The following HPS3 variants were observed in gnomAD, a reference collection of about 807,000 sequenced individuals.
HPS3 encodes BLOC-2 complex member HPS3.
Under a neutral mutation model 110.9 loss-of-function variants are expected in HPS3, and 79 were observed. The observed-to-expected ratio is 0.71, with a 90% CI of 0.59 to 0.86. HPS3 has a LOEUF of 0.86. Among genes scored for constraint, HPS3 ranks in the 40% least tolerant of loss-of-function variants. The pLI is 0.00. For missense variants in HPS3, 1,197 were observed against 1,206.2 expected (o/e 0.99, Z 0.11); for synonymous variants, 428 against 451.0 (o/e 0.95, Z 0.65).
chr3:149,152,942 A>G (rs141924868), intron 6 of HPS3, among the ~76,000 whole-genome samples: 1 of 152,352 alleles, frequency 6.6e-6, no homozygotes, highest in African/African-American at 2.4e-5. Context: ...CATTCCAGGC[A>G]CTATTCGTAC....
chr3:149,141,627 G>A (rs1161621205), intron 4 of HPS3, among the ~76,000 whole-genome samples: 2 of 146,918 alleles, frequency 1.4e-5, no homozygotes, highest in Non-Finnish European at 1.5e-5. Context: ...TCTACTTCCT[G>A]GGTTCAAGTG....
chr3:149,140,946 C>G, intron 2 of HPS3, 71 bp from the exon 3 acceptor site: 1 of 1,343,728 alleles, frequency 7.4e-7, no homozygotes, highest in South Asian at 1.2e-5. Context: ...TACTATATGT[C>G]TAATTGGTGA....
chr3:149,156,076 C>T (rs1248030913), intron 8 of HPS3, among the ~76,000 whole-genome samples: 2 of 152,114 alleles, frequency 1.3e-5, no homozygotes, highest in African/African-American at 4.8e-5. Context: ...TATATATTCC[C>T]ATTCCCCACA....
chr3:149,162,513 A>G (rs753392809), intron 12 of HPS3, 177 bp from the exon 13 acceptor site: 8 of 909,296 alleles, frequency 8.8e-6, no homozygotes, highest in Admixed American at 6.1e-5. Flanking sequence ...CTTTATTTGT[A>G]CATCCTAGAA....
At chr3:149,164,303 G>A (rs1164028478) in intron 14 of HPS3, among the ~76,000 whole-genome samples, 1 of 152,156 alleles carries the variant, frequency 6.6e-6, no homozygotes, top group Non-Finnish European at 1.5e-5. Context: ...TTTTGTTAGT[G>A]TTGACTTACA....
At chr3:149,141,943 C>G (rs896795912) in intron 4 of HPS3, among the ~76,000 whole-genome samples, 3 of 146,066 alleles carry the variant, frequency 2.1e-5, no homozygotes, top group Non-Finnish European at 3.0e-5. Flanking sequence ...CTCCACCTCC[C>G]GGGTTCAAGT....
chr3:149,143,870 A>C (rs1047062331), intron 4 of HPS3, among the ~76,000 whole-genome samples: 2 of 152,188 alleles, frequency 1.3e-5, no homozygotes, highest in South Asian at 2.1e-4. Context: ...GGTACTTGTT[A>C]AACAACTTTG....
At chr3:149,133,765 A>G (rs1420504119) in intron 1 of HPS3, among the ~76,000 whole-genome samples, 1 of 152,140 alleles carries the variant, frequency 6.6e-6, no homozygotes, top group Non-Finnish European at 1.5e-5. Flanking sequence ...GCAATAAAAT[A>G]TTTTTAGTTA....
chr3:149,146,762 C>G (rs1457275751), intron 5 of HPS3, among the ~76,000 whole-genome samples: 1 of 152,134 alleles, frequency 6.6e-6, no homozygotes, highest in Non-Finnish European at 1.5e-5. Context: ...GCTACTCTTT[C>G]CAGTGTCCAA....
rs1358535666 is a variant in HPS3, at chr3:149,163,964, C to G, written c.2589+15C>G. ...CAAAATTACAGGTAAGTAAAAATAC[C>G]TCCTTTTCTTATGAAATTGCATATT... On this transcript the variant is annotated intron_variant, in intron 14 of 16. Transcript: ENST00000296051. The G allele has an allele frequency of 5.7e-6, 7 of 1,220,842 alleles. No homozygotes were observed. Among genetic ancestry groups the G allele is most frequent in the Non-Finnish European group, 7.3e-6 (6 of 823,036 alleles). 75.6% of individuals were successfully genotyped at this position (1,220,842 alleles called of 1,614,324 possible).
chr3:149,144,283 C>T (rs1355684775), intron 4 of HPS3, among the ~76,000 whole-genome samples: 9 of 151,440 alleles, frequency 5.9e-5, no homozygotes, highest in Non-Finnish European at 1.2e-4. Flanking sequence ...CCTGGGAGGC[C>T]GAGGCAGGAG....
At chr3:149,147,519 A>G (rs1394802533) in intron 5 of HPS3, among the ~76,000 whole-genome samples, 2 of 152,190 alleles carry the variant, frequency 1.3e-5, no homozygotes, top group South Asian at 2.1e-4. Flanking sequence ...GGAATATACT[A>G]ATTTCTGTCC....
chr3:149,139,561 C>G (rs1482419571), intron 1 of HPS3, among the ~76,000 whole-genome samples: 1 of 152,146 alleles, frequency 6.6e-6, no homozygotes, highest in South Asian at 2.1e-4. Flanking sequence ...CCAACTTTAT[C>G]CTGTTTCTCA....
intron 11 of HPS3, among the ~76,000 whole-genome samples, chr3:149,160,785 C>T (rs1723751365): frequency 6.6e-6 from 1 of 152,146 alleles, no homozygotes; most frequent in South Asian, 2.1e-4. Context: ...AGGGACACTA[C>T]CAAAGGTGTT....
intron 8 of HPS3, 78 bp from the exon 9 acceptor site, chr3:149,157,272 T>C: frequency 8.1e-7 from 1 of 1,233,124 alleles, no homozygotes; most frequent in East Asian, 2.4e-5. Flanking sequence ...ACTAACAAAA[T>C]ATATAAATGT....
chr3:149,151,203 ATTT>A (rs374361094), intron 6 of HPS3, among the ~76,000 whole-genome samples: 3,903 of 147,066 alleles, frequency 0.027, 85 homozygotes, highest in Non-Finnish European at 0.043. Context: ...TATTATTATT[ATTT>A]TTTTTTCTGC....
At position 149,144,749 on chromosome 3, in the gene HPS3, C is replaced by T. The variant is rs200225977; in HGVS notation, c.971-605C>T. On this transcript the variant is annotated intron_variant, in intron 4 of 16. Coordinates refer to ENST00000296051, the MANE Select transcript of HPS3 (RefSeq NM_032383.5). ...TAGTATGGTAGCCATTAGTCACATG[C>T]CGCTATTAAGCACTTGAAATATGAC... Among the ~76,000 whole-genome samples the T allele has an allele frequency of 9.9e-5, 15 of 152,204 alleles. No individual in the cohort carries two copies. The East Asian group carries it at 1.7e-3, about 18-fold the overall frequency.
At chr3:149,131,989 CTG>C (rs777090892) in intron 1 of HPS3, among the ~76,000 whole-genome samples, 8 of 152,208 alleles carry the variant, frequency 5.3e-5, no homozygotes, top group Admixed American at 3.3e-4. Flanking sequence ...CTGTTCAACT[CTG>C]TGAATGCTGA....
intron 1 of HPS3, 99 bp from the exon 2 acceptor site, chr3:149,139,905 A>T (rs556345307): frequency 8.8e-7 from 1 of 1,140,290 alleles, no homozygotes; most frequent in South Asian, 1.4e-5. Context: ...CTTTAATTCG[A>T]CCATTTGTGT....
Sources: allele counts gnomAD v4.1 joint callset (sites outside exome capture counted in the v4.1 genomes callset), GRCh38; gene constraint gnomAD v4.1.1; transcripts MANE v1.5; gene names NCBI Gene and HGNC (gene_info 2026-07-23, HGNC 2026-07-21).